Variants in NEGR1 observed in about 807,000 individuals in gnomAD.
NEGR1 encodes the protein neuronal growth regulator 1, also known as IgLON family member 4.
NEGR1 carries 10 observed loss-of-function variants against 40.9 expected under a neutral mutation model. The ratio of observed to expected loss-of-function variants is 0.24; its 90% CI spans 0.15 to 0.42. The LOEUF (loss-of-function observed/expected upper bound fraction) is 0.42, where lower values mean the gene tolerates loss of function less well. Among genes scored for constraint, NEGR1 ranks in the 10% least tolerant of loss-of-function variants. NEGR1 has a pLI of 1.00. For missense variants in NEGR1, 352 were observed against 438.9 expected, an observed-to-expected ratio of 0.80 and a Z score of 1.77; for synonymous variants, 185 against 166.8, an observed-to-expected ratio of 1.11 and a Z score of -0.84.
At chr1:72,277,742 C>T (rs1011072955) in intron 1 of NEGR1, among the ~76,000 whole-genome samples, 1 of 152,016 alleles carries the variant, frequency 6.6e-6, no homozygotes, top group African/African-American at 2.4e-5. Context: ...ATTTAATAAA[C>T]ATATAGGTTT....
chr1:71,786,390 A>T (rs577978986), intron 2 of NEGR1, among the ~76,000 whole-genome samples: 4 of 152,270 alleles, frequency 2.6e-5, no homozygotes, highest in Admixed American at 6.5e-5. Context: ...GCCCTTCTCA[A>T]CACTATTTAT....
chr1:72,011,133 G>A (rs1198356183), intron 1 of NEGR1, among the ~76,000 whole-genome samples: 1 of 151,906 alleles, frequency 6.6e-6, no homozygotes, highest in Non-Finnish European at 1.5e-5. Flanking sequence ...GCATGATTTT[G>A]GTCATGTCAA....
At chr1:71,433,215 T>G (rs1415027932) in intron 6 of NEGR1, among the ~76,000 whole-genome samples, 1 of 152,242 alleles carries the variant, frequency 6.6e-6, no homozygotes, top group African/African-American at 2.4e-5. Context: ...TAAATTTCTC[T>G]TATTTATAAA....
intron 2 of NEGR1, among the ~76,000 whole-genome samples, chr1:71,933,343 G>C (rs1363813939): frequency 6.6e-6 from 1 of 151,942 alleles, no homozygotes; most frequent in East Asian, 1.9e-4. Context: ...ACCTAATATG[G>C]AACAAGAGAG....
intron 6 of NEGR1, among the ~76,000 whole-genome samples, chr1:71,467,031 AG>A (rs1229936713): frequency 1.3e-5 from 2 of 152,122 alleles, no homozygotes; most frequent in Non-Finnish European, 2.9e-5. Flanking sequence ...TGTCATGGCC[AG>A]AAGATTTAGC....
At chr1:71,683,638 A>C (rs1316027823) in intron 4 of NEGR1, among the ~76,000 whole-genome samples, 1 of 151,620 alleles carries the variant, frequency 6.6e-6, no homozygotes, top group Admixed American at 6.6e-5. Flanking sequence ...GCATTCTTTC[A>C]TTTTTTCATA....
chr1:71,527,375 A>ACCAT (rs1458929115), intron 6 of NEGR1, among the ~76,000 whole-genome samples: 3 of 148,338 alleles, frequency 2.0e-5, no homozygotes, highest in Non-Finnish European at 4.5e-5. Context: ...CCATTCATCC[A>ACCAT]CCATCCATCC....
At chr1:72,178,116 A>G (rs554143514) in intron 1 of NEGR1, among the ~76,000 whole-genome samples, 2 of 151,936 alleles carry the variant, frequency 1.3e-5, no homozygotes, top group South Asian at 4.2e-4. Flanking sequence ...ATTAAATTGC[A>G]TATTTTTCCT....
chr1:71,621,633 C>T (rs771275372), intron 4 of NEGR1, among the ~76,000 whole-genome samples: 21 of 151,328 alleles, frequency 1.4e-4, no homozygotes, highest in South Asian at 1.0e-3. Flanking sequence ...ATTTTCGGAG[C>T]GCAGAGATAT....
intron 1 of NEGR1, among the ~76,000 whole-genome samples, chr1:72,071,453 TCAA>T (rs1271595442): frequency 6.6e-6 from 1 of 152,102 alleles, no homozygotes; most frequent in Admixed American, 6.6e-5. Context: ...TACTTTTCTT[TCAA>T]TAATCTTATT....
Position 71,592,922 on chromosome 1 carries a change from T to G in NEGR1, c.835A>C (p.Arg279=). The part of the protein sequence containing the change: ...QGIIIQNFST[R]SILTVTNVTQ... ...ACGTTGGTAACAGTGAGAATGGATC[T>G]TGTGCTAAAATTTTGAATAATAATT... Residue 279 remains arginine (R), a synonymous_variant, in exon 6 of 7, where the codon AGA becomes CGA. Transcript: ENST00000357731. The G allele has an allele frequency of 6.2e-7, 1 of 1,612,212 alleles. No individual in the cohort carries two copies. Among genetic ancestry groups the G allele is most frequent in the African/African-American group, 1.3e-5 (1 of 75,002 alleles).
chr1:71,683,177 G>A (rs1469067294), intron 4 of NEGR1, among the ~76,000 whole-genome samples: 5 of 152,032 alleles, frequency 3.3e-5, no homozygotes, highest in Non-Finnish European at 7.4e-5. Context: ...AATATTCCTT[G>A]CATCTACTTC....
intron 2 of NEGR1, among the ~76,000 whole-genome samples, chr1:71,887,904 G>A (rs2101850228): frequency 6.6e-6 from 1 of 151,702 alleles, no homozygotes; most frequent in Admixed American, 6.6e-5. Flanking sequence ...ACCCCCACCT[G>A]GAGTCCTGCT....
chr1:72,282,279 T>C (rs140404024), intron 1 of NEGR1, 40 bp downstream of exon 1: 2 of 1,608,882 alleles, frequency 1.2e-6, no homozygotes, highest in African/African-American at 1.3e-5. Flanking sequence ...GACAGAAAGA[T>C]AGACCGAAAC....
At chr1:71,713,660 C>T (rs1006980985) in intron 3 of NEGR1, among the ~76,000 whole-genome samples, 1 of 152,072 alleles carries the variant, frequency 6.6e-6, no homozygotes, top group African/African-American at 2.4e-5. Flanking sequence ...CAAGAAGAAA[C>T]ATTTGCTAAC....
At chr1:71,426,865 T>C (rs1054082084) in intron 6 of NEGR1, among the ~76,000 whole-genome samples, 1 of 152,190 alleles carries the variant, frequency 6.6e-6, no homozygotes, top group Non-Finnish European at 1.5e-5. Context: ...GCTTAATTGC[T>C]TCCTCATAAT....
intron 6 of NEGR1, among the ~76,000 whole-genome samples, chr1:71,588,499 G>C (rs955926155): frequency 5.9e-5 from 9 of 152,048 alleles, no homozygotes; most frequent in African/African-American, 2.2e-4. Flanking sequence ...GAGGATGAGG[G>C]ATCTTCATTG....
chr1:71,904,976 C>A (rs1257070908), intron 2 of NEGR1, among the ~76,000 whole-genome samples: 3 of 152,072 alleles, frequency 2.0e-5, no homozygotes, highest in Non-Finnish European at 4.4e-5. Flanking sequence ...ATACTGCCTA[C>A]AAATGAATGC....
chr1:71,849,190 A>T (rs1659522221), intron 2 of NEGR1, among the ~76,000 whole-genome samples: 1 of 152,198 alleles, frequency 6.6e-6, no homozygotes, highest in Non-Finnish European at 1.5e-5. Context: ...TACCTTCTGG[A>T]AAATATTCAC....
Sources: allele counts gnomAD v4.1 joint callset (sites outside exome capture counted in the v4.1 genomes callset), GRCh38; gene constraint gnomAD v4.1.1; transcripts MANE v1.5; gene names NCBI Gene and HGNC (gene_info 2026-07-23, HGNC 2026-07-21).